Variants in TLL1 observed in about 807,000 individuals in gnomAD.
TLL1 encodes tolloid-like protein 1.
TLL1 carries 49 observed loss-of-function variants against 128.2 expected under a neutral mutation model. That is an observed-to-expected ratio of 0.38 (90% CI 0.30 to 0.48). The LOEUF is 0.48. Ranked by LOEUF, TLL1 falls within the 20% of genes least tolerant of loss-of-function variation. The pLI is 0.96. For synonymous variants in TLL1, 454 were observed against 418.8 expected, an observed-to-expected ratio of 1.08 and a Z score of -1.03; for missense variants, 1,123 against 1,242.0, an observed-to-expected ratio of 0.90 and a Z score of 1.44.
At chr4:166,074,169 C>A (rs1258803265) in intron 16 of TLL1, among the ~76,000 whole-genome samples, 1 of 152,022 alleles carries the variant, frequency 6.6e-6, no homozygotes, top group Non-Finnish European at 1.5e-5. Flanking sequence ...CTTTACCTTA[C>A]TTCTAGCACA....
At chr4:165,948,261 T>G (rs528165477) in intron 1 of TLL1, among the ~76,000 whole-genome samples, 2 of 152,164 alleles carry the variant, frequency 1.3e-5, no homozygotes, top group South Asian at 4.1e-4. Flanking sequence ...ATAACTTGTG[T>G]CTTTAATTTC....
intron 1 of TLL1, among the ~76,000 whole-genome samples, chr4:165,928,052 G>T (rs557164256): frequency 6.6e-6 from 1 of 152,100 alleles, no homozygotes; most frequent in Non-Finnish European, 1.5e-5. Context: ...GTGTGGTTTT[G>T]TACAGAGTGG....
intron 1 of TLL1, among the ~76,000 whole-genome samples, chr4:165,964,648 T>C (rs932819301): frequency 6.6e-6 from 1 of 152,106 alleles, no homozygotes; most frequent in African/African-American, 2.4e-5. Context: ...CAAGGCTAGG[T>C]GTGACAACTC....
At chr4:166,029,786 C>G (rs1379460990) in intron 9 of TLL1, among the ~76,000 whole-genome samples, 2 of 152,098 alleles carry the variant, frequency 1.3e-5, no homozygotes, top group Non-Finnish European at 2.9e-5. Context: ...GACTATCTCA[C>G]TTAGCATAAT....
At chr4:165,954,989 T>A (rs1427802032) in intron 1 of TLL1, among the ~76,000 whole-genome samples, 1 of 152,058 alleles carries the variant, frequency 6.6e-6, no homozygotes, top group Non-Finnish European at 1.5e-5. Flanking sequence ...ATAGACAGAA[T>A]TAAGATTCAG....
chr4:166,058,417 G>A, intron 14 of TLL1, among the ~76,000 whole-genome samples: 1 of 152,116 alleles, frequency 6.6e-6, no homozygotes, highest in Middle Eastern at 3.2e-3. Flanking sequence ...TAAAGCAGGA[G>A]ATAAATATGT....
rs562490357 is a variant in TLL1 at position 165,963,589 on chromosome 4, G to T, written c.170-25792G>T. The stretch of plus-strand genomic sequence containing the variant: ...TAAGATTTTTTAATTGAGAATTGAA[G>T]AATAATAAATTAACAAGAAAAGGTA... On this transcript the variant is annotated intron_variant, in intron 1 of 20. Coordinates refer to ENST00000061240, the MANE Select transcript of TLL1 (RefSeq NM_012464.5). 3.3e-5 allele frequency among the ~76,000 whole-genome samples: 5 copies of T among 152,032 alleles called. No homozygotes were observed. The South Asian group carries it at 1.0e-3, about 32-fold the overall frequency.
intron 1 of TLL1, among the ~76,000 whole-genome samples, chr4:165,902,576 C>G (rs1453727300): frequency 6.6e-6 from 1 of 152,122 alleles, no homozygotes; most frequent in African/African-American, 2.4e-5. Context: ...AGGCGACGCC[C>G]CACCCTGCTT....
chr4:166,027,727 C>T (rs942759877), intron 9 of TLL1, among the ~76,000 whole-genome samples: 1 of 151,954 alleles, frequency 6.6e-6, no homozygotes, highest in African/African-American at 2.4e-5. Flanking sequence ...TTAAAGTATA[C>T]ATGATTTTAA....
At chr4:166,020,526 C>T (rs142215863) in intron 8 of TLL1, among the ~76,000 whole-genome samples, 2 of 152,214 alleles carry the variant, frequency 1.3e-5, no homozygotes, top group African/African-American at 4.8e-5. Context: ...CTCAGATTTT[C>T]TCTCTTTTGG....
chr4:165,958,260 G>A (rs1299378742), intron 1 of TLL1, among the ~76,000 whole-genome samples: 10 of 141,510 alleles, frequency 7.1e-5, no homozygotes, highest in Non-Finnish European at 1.5e-4. Context: ...GGTATTCCTA[G>A]TTCTAGATCC....
At chr4:165,938,126 T>C (rs1733848993) in intron 1 of TLL1, among the ~76,000 whole-genome samples, 1 of 152,022 alleles carries the variant, frequency 6.6e-6, no homozygotes, top group African/African-American at 2.4e-5. Flanking sequence ...AAAAAGCTTT[T>C]TGAATTATAG....
intron 1 of TLL1, among the ~76,000 whole-genome samples, chr4:165,895,723 T>C (rs1394627133): frequency 6.9e-6 from 1 of 144,856 alleles, no homozygotes; most frequent in Non-Finnish European, 1.5e-5. Flanking sequence ...CAAAATAATC[T>C]CATAAAAGAA....
At chr4:165,887,477 T>C (rs1005031999) in intron 1 of TLL1, among the ~76,000 whole-genome samples, 1 of 152,172 alleles carries the variant, frequency 6.6e-6, no homozygotes, top group African/African-American at 2.4e-5. Context: ...CTTCATACTT[T>C]AGTGACTGGA....
intron 1 of TLL1, among the ~76,000 whole-genome samples, chr4:165,967,577 T>G (rs1735447191): frequency 6.6e-6 from 1 of 152,172 alleles, no homozygotes; most frequent in African/African-American, 2.4e-5. Context: ...GATGGAAATA[T>G]TTGTTAGCCA....
intron 15 of TLL1, among the ~76,000 whole-genome samples, chr4:166,064,407 T>C (rs1740480648): frequency 6.6e-6 from 1 of 152,066 alleles, no homozygotes; most frequent in Non-Finnish European, 1.5e-5. Flanking sequence ...GCAGGGGAGA[T>C]GGTTTTATAT....
chr4:166,020,187 G>T (rs866331231), intron 8 of TLL1, among the ~76,000 whole-genome samples: 1 of 151,884 alleles, frequency 6.6e-6, no homozygotes, highest in Admixed American at 6.6e-5. Flanking sequence ...TCGACATTGG[G>T]GTTGAATAGG....
chr4:165,943,696 T>C (rs1291007879), intron 1 of TLL1, among the ~76,000 whole-genome samples: 3 of 152,074 alleles, frequency 2.0e-5, no homozygotes, highest in African/African-American at 7.2e-5. Context: ...ACTGACCTCA[T>C]CACTTAAAGC....
intron 1 of TLL1, among the ~76,000 whole-genome samples, chr4:165,953,105 G>A (rs1734604633): frequency 1.3e-5 from 2 of 152,136 alleles, no homozygotes; most frequent in Non-Finnish European, 2.9e-5. Flanking sequence ...TTTTGTTGAA[G>A]CCATAATACA....
Sources: allele counts gnomAD v4.1 joint callset (sites outside exome capture counted in the v4.1 genomes callset), GRCh38; gene constraint gnomAD v4.1.1; transcripts MANE v1.5; gene names NCBI Gene and HGNC (gene_info 2026-07-23, HGNC 2026-07-21).